The following RBFOX3 variants were observed in gnomAD, a reference collection of about 807,000 sequenced individuals.
RBFOX3 encodes the protein RNA binding fox-1 homolog 3, also known as RNA binding protein fox-1 homolog 3.
Under a neutral mutation model 48.7 loss-of-function variants are expected in RBFOX3, and 17 were observed. That is an observed-to-expected ratio of 0.35 (90% CI 0.24 to 0.52). The LOEUF is 0.52. Among genes scored for constraint, RBFOX3 ranks in the 20% least tolerant of loss-of-function variants. The probability of loss-of-function intolerance (pLI) is 0.94; values close to 1 mark genes in which losing one functional copy is unlikely to be tolerated. For synonymous variants in RBFOX3, 212 were observed against 209.5 expected (o/e 1.01, Z -0.10); for missense variants, 382 against 497.5 (o/e 0.77, Z 2.21).
chr17:79,370,135 A>G (rs1039822647), intron 2 of RBFOX3, among the ~76,000 whole-genome samples: 3 of 152,230 alleles, frequency 2.0e-5, no homozygotes, highest in African/African-American at 7.2e-5. Context: ...CATCATCACC[A>G]GAGCACCTCT....
chr17:79,582,150 C>T (rs1023702164), intron 1 of RBFOX3, among the ~76,000 whole-genome samples: 1 of 149,374 alleles, frequency 6.7e-6, no homozygotes, highest in African/African-American at 2.5e-5. Context: ...ATGTGCCTGC[C>T]CGTGTATGTG....
Position 79,106,641 on chromosome 17 carries a change from G to T in RBFOX3, c.360+10C>A. On this transcript the variant is annotated intron_variant, in intron 6 of 14. Transcript: ENST00000693108. ...TGGAGGGCAGGATGGGTGGGGCCGC[G>T]CACACTCACCCCGAACATTTGCCGC... 1 of 1,457,882 alleles carries T rather than the reference G, an allele frequency of 6.9e-7. No homozygotes were observed. Among genetic ancestry groups the T allele is most frequent in the Non-Finnish European group, 9.0e-7 (1 of 1,109,414 alleles). The allele number at this position is 1,457,882 out of a possible 1,614,324, so 90.3% of individuals were successfully genotyped here. A position where few individuals can be genotyped will look rare whatever the true frequency, so the allele number is the denominator to read the frequency against.
intron 2 of RBFOX3, among the ~76,000 whole-genome samples, chr17:79,320,794 C>A (rs1398548105): frequency 6.6e-6 from 1 of 152,138 alleles, no homozygotes; most frequent in Non-Finnish European, 1.5e-5. Flanking sequence ...AGCAGAACTG[C>A]CACTGTTTGC....
chr17:79,545,110 T>C (rs2143094114), intron 1 of RBFOX3, among the ~76,000 whole-genome samples: 1 of 152,294 alleles, frequency 6.6e-6, no homozygotes, highest in African/African-American at 2.4e-5. Context: ...GGGGCCGCTC[T>C]ACCTTTTCAT....
chr17:79,156,788 T>C (rs1223965352), intron 4 of RBFOX3, among the ~76,000 whole-genome samples: 2 of 152,270 alleles, frequency 1.3e-5, no homozygotes, highest in East Asian at 3.9e-4. Flanking sequence ...GCCCCTGAGC[T>C]GGACAGCAGG....
At chr17:79,225,507 T>C (rs937452064) in intron 4 of RBFOX3, among the ~76,000 whole-genome samples, 1 of 152,174 alleles carries the variant, frequency 6.6e-6, no homozygotes, top group Non-Finnish European at 1.5e-5. Context: ...CCCAGGCTGG[T>C]CTCAAACTCC....
intron 4 of RBFOX3, among the ~76,000 whole-genome samples, chr17:79,116,709 T>C (rs58427612): frequency 0.17 from 25,994 of 152,088 alleles, 2,228 homozygotes; most frequent in South Asian, 0.24. Context: ...GTGTCAAGGA[T>C]CTCTGAGGAA....
intron 2 of RBFOX3, among the ~76,000 whole-genome samples, chr17:79,446,926 G>C (rs1446741855): frequency 6.6e-6 from 1 of 152,204 alleles, no homozygotes; most frequent in Non-Finnish European, 1.5e-5. Flanking sequence ...TCTTTCCTGA[G>C]AGAAGCCAAG....
intron 4 of RBFOX3, among the ~76,000 whole-genome samples, chr17:79,188,504 G>A (rs141007587): frequency 3.0e-4 from 45 of 152,326 alleles, no homozygotes; most frequent in Admixed American, 5.2e-4. Context: ...TAAATACAGG[G>A]AGACTGAAAG....
At position 79,214,577 on chromosome 17, in the gene RBFOX3, GGAA is replaced by G. The variant is rs2058774395; in HGVS notation, c.-34+21186_-34+21188del. 6.6e-6 allele frequency among the ~76,000 whole-genome samples: 1 copy of G among 152,006 alleles called. No individual in the cohort carries two copies. Among genetic ancestry groups the G allele is most frequent in the Admixed American group, 6.5e-5 (1 of 15,272 alleles). The stretch of plus-strand genomic sequence containing the variant: ...AGGGATGTCTGGGGGGGGTCTCGGA[GGAA>G]GCAGGAAGGGTTGGCCTCTGTGGCT... On this transcript the variant is annotated intron_variant, in intron 4 of 14. Transcript: ENST00000693108. The surrounding 1 kb of genome is among the most constrained non-coding windows in gnomAD (Gnocchi z 4.7).
At chr17:79,333,648 A>AATGTCCCATG (rs2080749350) in intron 2 of RBFOX3, among the ~76,000 whole-genome samples, 1 of 152,162 alleles carries the variant, frequency 6.6e-6, no homozygotes, top group Non-Finnish European at 1.5e-5. Flanking sequence ...CTGGGGGAAG[A>AATGTCCCATG]ATGTCCCATG....
At chr17:79,388,438 T>C (rs1460802701) in intron 2 of RBFOX3, among the ~76,000 whole-genome samples, 1 of 152,206 alleles carries the variant, frequency 6.6e-6, no homozygotes, top group Non-Finnish European at 1.5e-5. Context: ...CCCTACTTCT[T>C]CCAACACACA....
chr17:79,470,324 G>C (rs1426949457), intron 2 of RBFOX3, among the ~76,000 whole-genome samples: 2 of 152,192 alleles, frequency 1.3e-5, no homozygotes, highest in African/African-American at 2.4e-5. Context: ...GCTGGACAGA[G>C]GGGAAAGAGT....
chr17:79,103,072 G>A lies in RBFOX3; in HGVS notation c.507+90C>T. On this transcript the variant is annotated intron_variant, in intron 8 of 14. Transcript: ENST00000693108. The surrounding 1 kb of genome is among the most constrained non-coding windows in gnomAD (Gnocchi z 6.1). Reference sequence around the variant, plus strand: ...ACCCTGGCCAGGCTCTCTGAAGGGTGCGGCAGTGGCAGGGCTGGTTGGTTG... The same window carrying A: ...ACCCTGGCCAGGCTCTCTGAAGGGTACGGCAGTGGCAGGGCTGGTTGGTTG... The A allele has an allele frequency of 1.0e-6, 1 of 960,882 alleles. No individual in the cohort carries two copies. The allele number at this position is 960,882 out of a possible 1,614,324, so 59.5% of individuals were successfully genotyped here. A position where few individuals can be genotyped will look rare whatever the true frequency, so the allele number is the denominator to read the frequency against.
intron 2 of RBFOX3, among the ~76,000 whole-genome samples, chr17:79,467,220 C>T (rs995800927): frequency 1.4e-4 from 21 of 152,014 alleles, no homozygotes; most frequent in African/African-American, 2.7e-4. Flanking sequence ...CCAGCCACAC[C>T]GTGCTGCTTC....
intron 2 of RBFOX3, among the ~76,000 whole-genome samples, chr17:79,345,141 T>A (rs1489122424): frequency 6.6e-6 from 1 of 152,272 alleles, no homozygotes; most frequent in Non-Finnish European, 1.5e-5. Flanking sequence ...CAATTCTAAC[T>A]GTCTTCTTCA....
chr17:79,199,987 T>G lies in RBFOX3; in HGVS notation c.-34+35779A>C, dbSNP rs1407921595. On this transcript the variant is annotated intron_variant, in intron 4 of 14. Transcript: ENST00000693108. This position sits in a 1 kb window ranked among gnomAD's most constrained non-coding sequence, Gnocchi z 5.1. ...ACCAGCCTGGCCAACATGGTGAAAC[T>G]CCGTCTCTACCAAAAGTACAAAAAA... 1.3e-5 allele frequency among the ~76,000 whole-genome samples: 2 copies of G among 151,910 alleles called. No homozygotes were observed. Among genetic ancestry groups the G allele is most frequent in the Non-Finnish European group, 2.9e-5 (2 of 67,964 alleles).
chr17:79,169,982 TA>T, intron 4 of RBFOX3, among the ~76,000 whole-genome samples: 1 of 144,722 alleles, frequency 6.9e-6, no homozygotes, highest in African/African-American at 2.6e-5. Flanking sequence ...AGGAGAGAGT[TA>T]AAAAAGGAGG....
chr17:79,195,868 G>A lies in RBFOX3; in HGVS notation c.-34+39898C>T, dbSNP rs2055479333. The stretch of plus-strand genomic sequence containing the variant: ...TGCACTCGCTTGCATTTGGCTGCTG[G>A]GTGAGCTTATTGATTTTTCTCTCCG... On this transcript the variant is annotated intron_variant, in intron 4 of 14. Coordinates refer to ENST00000693108, the MANE Select transcript of RBFOX3 (RefSeq NM_001350451.2). The surrounding 1 kb of genome is among the most constrained non-coding windows in gnomAD (Gnocchi z 5.3). Among the ~76,000 whole-genome samples, 1 of 152,206 alleles carries A rather than the reference G, an allele frequency of 6.6e-6. No individual in the cohort carries two copies. Among genetic ancestry groups the A allele is most frequent in the Non-Finnish European group, 1.5e-5 (1 of 68,040 alleles).
Sources: allele counts gnomAD v4.1 joint callset (sites outside exome capture counted in the v4.1 genomes callset), GRCh38; gene constraint gnomAD v4.1.1; non-coding constraint Gnocchi (gnomAD v3.1); transcripts MANE v1.5; gene names NCBI Gene and HGNC (gene_info 2026-07-23, HGNC 2026-07-21).